MRPS9: variants seen among roughly 807,000 people sequenced by gnomAD.
MRPS9 encodes mitochondrial ribosomal protein S9, also known as small ribosomal subunit protein uS9m.
Under a neutral mutation model 59.9 loss-of-function variants are expected in MRPS9, and 45 were observed. The observed-to-expected ratio is 0.75, with a 90% CI of 0.59 to 0.96. MRPS9 has a LOEUF of 0.96. Among genes scored for constraint, MRPS9 ranks in the 40% least tolerant of loss-of-function variants. The pLI is 0.00. For missense variants in MRPS9, 473 were observed against 481.1 expected, an observed-to-expected ratio of 0.98 and a Z score of 0.16; for synonymous variants, 171 against 166.8, an observed-to-expected ratio of 1.03 and a Z score of -0.19.
intron 2 of MRPS9, among the ~76,000 whole-genome samples, chr2:105,060,195 A>G (rs931884178): frequency 1.3e-5 from 2 of 152,020 alleles, no homozygotes; most frequent in African/African-American, 2.4e-5. Context: ...ATTCTTTGTA[A>G]TTATCTTATT....
intron 2 of MRPS9, among the ~76,000 whole-genome samples, chr2:105,058,175 A>G (rs1679829605): frequency 6.6e-6 from 1 of 152,242 alleles, no homozygotes; most frequent in African/African-American, 2.4e-5. Flanking sequence ...GTCTAAGTAC[A>G]ACTGACAGCT....
Position 105,071,510 on chromosome 2 carries a change from G to A in MRPS9, c.409+21G>A, listed in dbSNP as rs772645008. 4 of 1,600,794 alleles carry A rather than the reference G, an allele frequency of 2.5e-6. No homozygotes were observed. The South Asian group carries it at 3.4e-5, about 14-fold the overall frequency. Reference sequence around the variant, plus strand: ...AAGAGGTAAGTTTGTTCAAGAATGAGAGAAACAGTTTTTTCTTTACCGTAT... The same window carrying A: ...AAGAGGTAAGTTTGTTCAAGAATGAAAGAAACAGTTTTTTCTTTACCGTAT... On this transcript the variant is annotated intron_variant, in intron 4 of 10. Coordinates refer to ENST00000258455, the MANE Select transcript of MRPS9 (RefSeq NM_182640.3).
intron 4 of MRPS9, among the ~76,000 whole-genome samples, chr2:105,072,007 A>G (rs1680124605): frequency 6.7e-6 from 1 of 150,310 alleles, no homozygotes; most frequent in South Asian, 2.1e-4. Flanking sequence ...AAATGTGTAA[A>G]AAAAAAAAAT....
At chr2:105,038,391 G>C in intron 1 of MRPS9, 164 bp downstream of exon 1, 2 of 820,186 alleles carry the variant, frequency 2.4e-6, no homozygotes, top group South Asian at 1.8e-5. Context: ...GGGTATTGGC[G>C]TGCAGTAGCC....
intron 1 of MRPS9, among the ~76,000 whole-genome samples, chr2:105,046,543 G>A (rs1304311630): frequency 6.6e-6 from 1 of 151,948 alleles, no homozygotes; most frequent in Non-Finnish European, 1.5e-5. Context: ...CTGGACATCT[G>A]TCTTCCTGGG....
chr2:105,097,240 G>A lies in MRPS9; in HGVS notation c.1015G>A (p.Ala339Thr). The change falls in exon 10 of 11, where the codon GCG becomes ACG. Residue 339 changes from alanine to threonine, a missense_variant. Physicochemically the swap from Ala to Thr is moderately conservative, Grantham distance 58. Coordinates refer to ENST00000258455, the MANE Select transcript of MRPS9 (RefSeq NM_182640.3). ...CACAGTCTCAGGGGGCGGGAGGTCA[G>A]CGCAGGCTGGAGCAATACGACTGGC... ...TCTVSGGGRS[A>T]QAGAIRLAMA... is the part of the protein sequence containing the mutation. 6.2e-7 allele frequency: 1 copy of A among 1,613,334 alleles called. No homozygotes were observed. The highest frequency in any genetic ancestry group is 8.5e-7 in the Non-Finnish European group (1 of 1,179,708).
chr2:105,092,997 A>C (rs926115973), intron 8 of MRPS9, among the ~76,000 whole-genome samples: 6 of 152,218 alleles, frequency 3.9e-5, no homozygotes, highest in African/African-American at 1.4e-4. Flanking sequence ...GAGCCATTAG[A>C]CGTAGTCCAA....
At chr2:105,076,998 C>A (rs1477535651) in intron 4 of MRPS9, among the ~76,000 whole-genome samples, 1 of 152,168 alleles carries the variant, frequency 6.6e-6, no homozygotes, top group East Asian at 1.9e-4. Flanking sequence ...CCTGTAATCC[C>A]AGCACTTTGG....
chr2:105,070,906 G>A (rs1455144853), intron 2 of MRPS9, among the ~76,000 whole-genome samples: 3 of 152,160 alleles, frequency 2.0e-5, no homozygotes, highest in African/African-American at 4.8e-5. Flanking sequence ...AAACATCAGG[G>A]GTGTCATGAT....
At chr2:105,042,827 A>G (rs1182702909) in intron 1 of MRPS9, among the ~76,000 whole-genome samples, 1 of 152,210 alleles carries the variant, frequency 6.6e-6, no homozygotes, top group African/African-American at 2.4e-5. Context: ...GAACTTGTAA[A>G]GTAGTTTATT....
chr2:105,097,171 C>G lies in MRPS9; in HGVS notation c.946C>G (p.Pro316Ala). 6.3e-7 allele frequency: 1 copy of G among 1,583,212 alleles called. No individual in the cohort carries two copies. The highest frequency in any genetic ancestry group is 1.8e-5 in the Admixed American group (1 of 55,360). The stretch of plus-strand genomic sequence containing the variant: ...GTGCTTTAGAGAACAGCTGATGTTC[C>G]CTTTCCACTTTGTTGACCGGCTGGG... Reference protein sequence around the residue: ...ITQDREQLMFPFHFVDRLGKH... With the variant: ...ITQDREQLMFAFHFVDRLGKH... The change falls in exon 10 of 11, where the codon CCT becomes GCT. Residue 316 changes from proline (P) to alanine (A), a missense_variant. Coordinates refer to ENST00000258455, the MANE Select transcript of MRPS9 (RefSeq NM_182640.3).
chr2:105,068,650 C>A (rs1680046869), intron 2 of MRPS9, among the ~76,000 whole-genome samples: 1 of 152,186 alleles, frequency 6.6e-6, no homozygotes, highest in African/African-American at 2.4e-5. Flanking sequence ...TTCTACTTAA[C>A]ATTTTTGTGT....
chr2:105,084,253 T>G (rs12469796), intron 5 of MRPS9, among the ~76,000 whole-genome samples: 34 of 145,020 alleles, frequency 2.3e-4, no homozygotes, highest in Middle Eastern at 3.8e-3. Context: ...CCAAAATATA[T>G]ATATATATAT....
intron 4 of MRPS9, among the ~76,000 whole-genome samples, chr2:105,073,689 C>T (rs889051221): frequency 6.6e-6 from 1 of 152,078 alleles, no homozygotes; most frequent in Admixed American, 6.5e-5. Context: ...ACTACTGGGT[C>T]AACAGGAGCA....
At chr2:105,053,656 A>G (rs1351934257) in intron 2 of MRPS9, among the ~76,000 whole-genome samples, 2 of 152,224 alleles carry the variant, frequency 1.3e-5, no homozygotes, top group Non-Finnish European at 2.9e-5. Flanking sequence ...AATCAGGTAG[A>G]AACCAATTTT....
chr2:105,076,145 C>T (rs1184059041), intron 4 of MRPS9, among the ~76,000 whole-genome samples: 1 of 152,138 alleles, frequency 6.6e-6, no homozygotes, highest in Non-Finnish European at 1.5e-5. Flanking sequence ...AGCAGACTAC[C>T]ATTATTTGGG....
chr2:105,092,353 C>T, intron 7 of MRPS9, 48 bp from the exon 8 acceptor site: 1 of 1,482,146 alleles, frequency 6.7e-7, no homozygotes. Context: ...AAAAATTTAG[C>T]AAATGCAATT....
chr2:105,078,656 T>C (rs950461703), intron 4 of MRPS9, among the ~76,000 whole-genome samples: 3 of 152,158 alleles, frequency 2.0e-5, no homozygotes, highest in Non-Finnish European at 4.4e-5. Context: ...GCATTTATTA[T>C]GAAAATGTGG....
rs1331181953 is a variant in MRPS9, at chr2:105,088,657, T to C, written c.490-327T>C. Among the ~76,000 whole-genome samples, 4 of 152,106 alleles carry C rather than the reference T, an allele frequency of 2.6e-5. 1 individual carries two copies. The highest frequency in any genetic ancestry group is 7.2e-5 in the African/African-American group (3 of 41,526). Reference sequence around the variant, plus strand: ...GATTTTTTCTGAAAGAAAAGGAAAATAGTTAAAGGTTTTTGGTTTTTTTTA... The same window carrying C: ...GATTTTTTCTGAAAGAAAAGGAAAACAGTTAAAGGTTTTTGGTTTTTTTTA... On this transcript the variant is annotated intron_variant, in intron 5 of 10. Coordinates refer to ENST00000258455, the MANE Select transcript of MRPS9 (RefSeq NM_182640.3).
Sources: gnomAD v4.1 joint callset for allele counts (sites outside exome capture counted in the v4.1 genomes callset) on GRCh38, gnomAD v4.1.1 for gene constraint, MANE v1.5 for transcripts, NCBI Gene and HGNC (gene_info 2026-07-23, HGNC 2026-07-21) for gene names.